The following APP variants were observed in gnomAD, a reference collection of about 807,000 sequenced individuals.
The protein encoded by APP is amyloid-beta precursor protein.
A neutral mutation model predicts 101.4 loss-of-function variants in APP; 31 were observed. The observed-to-expected ratio is 0.31, with a 90% CI of 0.23 to 0.41. The LOEUF (loss-of-function observed/expected upper bound fraction) is 0.41. Among genes scored for constraint, APP ranks in the 10% least tolerant of loss-of-function variants. The probability of loss-of-function intolerance (pLI) is 1.00; values close to 1 mark genes in which losing one functional copy is unlikely to be tolerated. For synonymous variants in APP, 366 were observed against 364.4 expected (o/e 1.00, Z -0.05); for missense variants, 839 against 1,003.7 (o/e 0.84, Z 2.22).
intron 13 of APP, among the ~76,000 whole-genome samples, chr21:25,915,250 A>T (rs928621952): frequency 6.6e-6 from 1 of 152,174 alleles, no homozygotes; most frequent in Non-Finnish European, 1.5e-5. Context: ...TATTCCTGCT[A>T]TCTTGGAAGC....
chr21:26,063,949 G>A (rs554759055), intron 3 of APP, among the ~76,000 whole-genome samples: 35 of 152,278 alleles, frequency 2.3e-4, no homozygotes, highest in South Asian at 8.3e-4. Context: ...TGATAAACAC[G>A]TACCCTTGAT....
chr21:26,109,859 A>C (rs1425563789), intron 2 of APP, among the ~76,000 whole-genome samples: 6 of 152,224 alleles, frequency 3.9e-5, no homozygotes, highest in Non-Finnish European at 8.8e-5. Flanking sequence ...CAATTTGGTC[A>C]ATGTCATAAA....
At chr21:26,011,403 T>C (rs2043801332) in intron 6 of APP, among the ~76,000 whole-genome samples, 1 of 152,066 alleles carries the variant, frequency 6.6e-6, no homozygotes, top group Admixed American at 6.6e-5. Flanking sequence ...AAGCTGCTCA[T>C]CACTGCAGAT....
intron 3 of APP, among the ~76,000 whole-genome samples, chr21:26,088,204 A>G (rs947687435): frequency 6.6e-6 from 1 of 152,212 alleles, no homozygotes; most frequent in African/African-American, 2.4e-5. Flanking sequence ...AACAGATAGG[A>G]TAAAATAGAC....
At chr21:26,085,036 T>C (rs1039558484) in intron 3 of APP, among the ~76,000 whole-genome samples, 2 of 152,246 alleles carry the variant, frequency 1.3e-5, no homozygotes, top group African/African-American at 4.8e-5. Flanking sequence ...TCATTTATTA[T>C]ACAAAGTCAT....
chr21:25,969,883 A>G (rs1283036497), intron 11 of APP, among the ~76,000 whole-genome samples: 16 of 6,964 alleles, frequency 2.3e-3, no homozygotes, highest in Non-Finnish European at 3.4e-3. Context: ...AGAGAAAAGA[A>G]AAGAGAAGAT....
At chr21:25,904,992 G>A in intron 15 of APP, 32 bp downstream of exon 15, 1 of 1,605,186 alleles carries the variant, frequency 6.2e-7, no homozygotes, top group Non-Finnish European at 8.5e-7. Context: ...GGCCCAAGAT[G>A]CGGAGAGGCA....
At chr21:25,900,655 G>A (rs916476492) in intron 15 of APP, among the ~76,000 whole-genome samples, 2 of 152,098 alleles carry the variant, frequency 1.3e-5, no homozygotes, top group Non-Finnish European at 2.9e-5. Flanking sequence ...AGTTTGAAGA[G>A]TCTTCCCTTT....
intron 2 of APP, among the ~76,000 whole-genome samples, chr21:26,095,885 A>G (rs2061930731): frequency 6.6e-6 from 1 of 152,210 alleles, no homozygotes; most frequent in Non-Finnish European, 1.5e-5. Flanking sequence ...CTTCTTTTCT[A>G]AAATGTTTTT....
intron 16 of APP, among the ~76,000 whole-genome samples, chr21:25,893,271 G>A (rs2037815758): frequency 6.6e-6 from 1 of 152,106 alleles, no homozygotes; most frequent in South Asian, 2.1e-4. Flanking sequence ...TATCCCTTGA[G>A]AGACAACAAT....
Position 25,988,166 on chromosome 21 carries a change from C to G in APP, c.1091-5689G>C, listed in dbSNP as rs1263698125. 2.0e-5 allele frequency among the ~76,000 whole-genome samples: 3 copies of G among 152,040 alleles called. No homozygotes were observed. The South Asian group carries it at 6.2e-4, about 32-fold the overall frequency. On this transcript the variant is annotated intron_variant, in intron 8 of 17. Coordinates refer to ENST00000346798, the MANE Select transcript of APP (RefSeq NM_000484.4). Reference sequence around the variant, plus strand: ...AGATGACAAAACTAGCACGGAAGCCCTAAGAGTTGAAGCTGGCTGGCAAAT... The same window carrying G: ...AGATGACAAAACTAGCACGGAAGCCGTAAGAGTTGAAGCTGGCTGGCAAAT...
At position 25,975,133 on chromosome 21, in the gene APP, G is replaced by A. The variant is rs571652623; in HGVS notation, c.1395C>T (p.Leu465=). The change falls in exon 11 of 18, where the codon CTC becomes CTT. Residue 465 remains leucine, a synonymous_variant. Transcript: ENST00000346798. ...CCAGGGCCAGGCGGCGGCGGTCATT[G>A]AGCATGGCTTCCACTCTGGCCATGT... The part of the protein sequence containing the change: ...ETHMARVEAM[L]NDRRRLALEN... The A allele has an allele frequency of 6.2e-7, 1 of 1,614,066 alleles. No homozygotes were observed. Among genetic ancestry groups the A allele is most frequent in the South Asian group, 1.1e-5 (1 of 91,064 alleles).
chr21:26,086,029 A>T (rs2061695064), intron 3 of APP, among the ~76,000 whole-genome samples: 1 of 152,202 alleles, frequency 6.6e-6, no homozygotes, highest in South Asian at 2.1e-4. Context: ...TATTTTACGC[A>T]ATGTTCCTTG....
At position 25,905,062 on chromosome 21, in the gene APP, G is replaced by A. The variant is rs1377512692; in HGVS notation, c.1925C>T (p.Ala642Val). The A allele has an allele frequency of 2.5e-6, 4 of 1,613,840 alleles. No individual in the cohort carries two copies. The highest frequency in any genetic ancestry group is 1.3e-5 in the African/African-American group (1 of 75,012). Residue 642 changes from alanine (A) to valine (V), a missense_variant, in exon 15 of 18, where the codon GCC (alanine) becomes GTC (valine). By Grantham distance (64) the Ala-to-Val change is moderately conservative. Coordinates refer to ENST00000346798, the MANE Select transcript of APP (RefSeq NM_000484.4). Reference protein sequence around the residue: ...NTENEVEPVDARPAADRGLTT... With the variant: ...NTENEVEPVDVRPAADRGLTT... Reference sequence around the variant, plus strand: ...CAGTCCTCGGTCGGCAGCAGGGCGGGCATCAACAGGCTCAACTGGGCACAG... The same window carrying A: ...CAGTCCTCGGTCGGCAGCAGGGCGGACATCAACAGGCTCAACTGGGCACAG...
intron 1 of APP, among the ~76,000 whole-genome samples, chr21:26,158,673 T>C (rs149404143): frequency 6.6e-6 from 1 of 152,326 alleles, no homozygotes; most frequent in African/African-American, 2.4e-5. Context: ...ATTAAGGGCA[T>C]CCAAAATTTA....
chr21:26,025,606 C>T (rs2044534574), intron 5 of APP, among the ~76,000 whole-genome samples: 1 of 152,124 alleles, frequency 6.6e-6, no homozygotes, highest in Non-Finnish European at 1.5e-5. Flanking sequence ...GAATAGAAAC[C>T]ATGTTTGTAA....
At chr21:26,158,591 A>G (rs2063421924) in intron 1 of APP, among the ~76,000 whole-genome samples, 1 of 152,228 alleles carries the variant, frequency 6.6e-6, no homozygotes, top group Non-Finnish European at 1.5e-5. Context: ...TGAACCATGA[A>G]TATCAATGCC....
chr21:26,048,177 G>T (rs1351127820), intron 5 of APP, among the ~76,000 whole-genome samples: 1 of 151,736 alleles, frequency 6.6e-6, no homozygotes, highest in East Asian at 1.9e-4. Flanking sequence ...AAAAAAATTA[G>T]CTGGGCATGC....
intron 3 of APP, among the ~76,000 whole-genome samples, chr21:26,070,776 T>C (rs1295537604): frequency 1.3e-5 from 2 of 152,160 alleles, no homozygotes; most frequent in Non-Finnish European, 2.9e-5. Context: ...TTGAAGAACA[T>C]GTATAATTTG....
Sources: gnomAD v4.1 joint callset for allele counts (sites outside exome capture counted in the v4.1 genomes callset) on GRCh38, gnomAD v4.1.1 for gene constraint, MANE v1.5 for transcripts, NCBI Gene and HGNC (gene_info 2026-07-23, HGNC 2026-07-21) for gene names.